CCR8: variants seen among roughly 807,000 people sequenced by gnomAD.
CCR8 encodes C-C chemokine receptor type 8.
For synonymous variants in CCR8, 156 were observed against 165.7 expected, an observed-to-expected ratio of 0.94 and a Z score of 0.45; for missense variants, 358 against 417.5, an observed-to-expected ratio of 0.86 and a Z score of 1.24.
chr3:39,333,502 G>A lies in CCR8; in HGVS notation c.*103G>A. ...AAGGTTTCCAAAAAAAGTTCAGCAT[G>A]AAGGATGCCATATATGTTGTTGCCA... On this transcript the variant is annotated 3_prime_UTR_variant, in exon 2 of 2. Transcript: ENST00000326306. The A allele has an allele frequency of 1.2e-6, 1 of 805,086 alleles. No homozygotes were observed. The highest frequency in any genetic ancestry group is 2.0e-6 in the Non-Finnish European group (1 of 507,462). The allele number at this position is 805,086 out of a possible 1,614,324, so 49.9% of individuals were successfully genotyped here. A position where few individuals can be genotyped will look rare whatever the true frequency, so the allele number is the denominator to read the frequency against.
chr3:39,332,640 T>C lies in CCR8; in HGVS notation c.309T>C (p.Thr103=). 1 of 1,614,176 alleles carries C rather than the reference T, an allele frequency of 6.2e-7. No homozygotes were observed. Among genetic ancestry groups the C allele is most frequent in the African/African-American group, 1.3e-5 (1 of 75,034 alleles). Residue 103 remains threonine, a synonymous_variant, in exon 2 of 2, where the codon ACT becomes ACC. Transcript: ENST00000326306. The stretch of plus-strand genomic sequence containing the variant: ...TGCTGGACCAGTGGGTGTTTGGGAC[T>C]GTAATGTGCAAAGTGGTGTCTGGCT... ...YYLLDQWVFG[T]VMCKVVSGFY...
At chr3:39,332,055 A>G (rs2041260507) in intron 1 of CCR8, among the ~76,000 whole-genome samples, 1 of 152,020 alleles carries the variant, frequency 6.6e-6, no homozygotes, top group African/African-American at 2.4e-5. Context: ...CCCTGACCTC[A>G]GGTGATCTGC....
chr3:39,332,374 T>C lies in CCR8; in HGVS notation c.43T>C (p.Tyr15His), dbSNP rs755938627. ...CCTCAGTGTGACAACAGTGACCGACTACTACTACCCTGATATCTTCTCAAG... is the reference window on the plus strand; with the variant it reads ...CCTCAGTGTGACAACAGTGACCGACCACTACTACCCTGATATCTTCTCAAG... ...LDLSVTTVTD[Y>H]YYPDIFSSPC... is the part of the protein sequence containing the mutation. Residue 15 changes from tyrosine to histidine, a missense_variant, in exon 2 of 2, where the codon TAC (tyrosine) becomes CAC (histidine). By Grantham distance (83) the Tyr-to-His change is moderately conservative. Transcript: ENST00000326306. 10 of 1,613,988 alleles carry C rather than the reference T, an allele frequency of 6.2e-6. No homozygotes were observed. The highest frequency in any genetic ancestry group is 8.5e-6 in the Non-Finnish European group (10 of 1,179,964).
In CCR8 at chr3:39,332,751, T is replaced by C; in HGVS notation, c.420T>C (p.Tyr140=). 2 of 1,614,196 alleles carry C rather than the reference T, an allele frequency of 1.2e-6. No individual in the cohort carries two copies. Among genetic ancestry groups the C allele is most frequent in the Non-Finnish European group, 1.7e-6 (2 of 1,180,014 alleles). ...DRYLAVVHAV[Y]ALKVRTIRMG... Reference sequence around the variant, plus strand: ...ACCTGGCTGTTGTCCATGCCGTGTATGCCCTAAAGGTGAGGACGATCAGGA... The same window carrying C: ...ACCTGGCTGTTGTCCATGCCGTGTACGCCCTAAAGGTGAGGACGATCAGGA... The change falls in exon 2 of 2, where the codon TAT becomes TAC. Residue 140 remains tyrosine (Y), a synonymous_variant. Transcript: ENST00000326306.
In CCR8 at chr3:39,333,065, T is replaced by C; in HGVS notation, c.734T>C (p.Ile245Thr). 6.2e-7 allele frequency: 1 copy of C among 1,614,152 alleles called. No homozygotes were observed. The highest frequency in any genetic ancestry group is 8.5e-7 in the Non-Finnish European group (1 of 1,180,026). ...KAIRLVLIVV[I>T]ASLLFWVPFN... Reference sequence around the variant, plus strand: ...ATCAGGTTGGTGCTCATTGTGGTCATTGCATCTTTACTTTTCTGGGTCCCA... The same window carrying C: ...ATCAGGTTGGTGCTCATTGTGGTCACTGCATCTTTACTTTTCTGGGTCCCA... Residue 245 changes from isoleucine (I) to threonine (T), a missense_variant, in exon 2 of 2, where the codon ATT becomes ACT. Coordinates refer to ENST00000326306, the MANE Select transcript of CCR8 (RefSeq NM_005201.4).
intron 1 of CCR8, among the ~76,000 whole-genome samples, chr3:39,330,672 TA>T (rs1470569944): frequency 6.6e-6 from 1 of 152,184 alleles, no homozygotes; most frequent in Non-Finnish European, 1.5e-5. Context: ...TTTATAAAGT[TA>T]TTTTTTTTCT....
At chr3:39,330,022 C>A (rs2041245022) in intron 1 of CCR8, among the ~76,000 whole-genome samples, 193 bp downstream of exon 1, 1 of 152,142 alleles carries the variant, frequency 6.6e-6, no homozygotes, top group African/African-American at 2.4e-5. Flanking sequence ...CATGCTCTGG[C>A]TGAGGAGAGC....
rs1316419497 is a variant in CCR8 at position 39,332,785 on chromosome 3, A to G, written c.454A>G (p.Thr152Ala). 2.5e-6 allele frequency: 4 copies of G among 1,613,952 alleles called. No homozygotes were observed. The highest frequency in any genetic ancestry group is 1.6e-4 in the Middle Eastern group (1 of 6,082). The change falls in exon 2 of 2, where the codon ACG (threonine) becomes GCG (alanine). Residue 152 changes from threonine to alanine, a missense_variant. Physicochemically the swap from Thr to Ala is moderately conservative, Grantham distance 58. Transcript: ENST00000326306. Reference sequence around the variant, plus strand: ...GGTGAGGACGATCAGGATGGGCACAACGCTGTGCCTGGCAGTATGGCTAAC... The same window carrying G: ...GGTGAGGACGATCAGGATGGGCACAGCGCTGTGCCTGGCAGTATGGCTAAC... ...LKVRTIRMGT[T>A]LCLAVWLTAI... is the part of the protein sequence containing the mutation.
intron 1 of CCR8, among the ~76,000 whole-genome samples, chr3:39,331,536 G>C (rs573523743): frequency 1.3e-5 from 2 of 151,732 alleles, no homozygotes; most frequent in Admixed American, 1.3e-4. Context: ...GCTTGATCTC[G>C]AGTCATTGCA....
rs777208619 is a variant in CCR8, at chr3:39,333,157, CA to C, written c.828del (p.Gln276HisfsTer3). 1.2e-6 allele frequency: 2 copies of C among 1,614,090 alleles called. No individual in the cohort carries two copies. Among genetic ancestry groups the C allele is most frequent in the South Asian group, 2.2e-5 (2 of 91,084 alleles). ...MHILDGCSIS[Q>X]QLTYATHVTE... ...CATCTTGGATGGATGTAGCATAAGC[CA>C]ACAGCTGACTTATGCCACCCATGTC... On this transcript the variant is annotated frameshift_variant, in exon 2 of 2. Transcript: ENST00000326306. LOFTEE classifies it low-confidence loss of function (END_TRUNC).
At position 39,333,566 on chromosome 3, in the gene CCR8, G is replaced by GCCT. The variant is rs1361050210; in HGVS notation, c.*168_*170dup. ...AATGACTAAAGACATAGTTGTGCAT[G>GCCT]CCTGGCACAACATCAAGCCTGTGAT... On this transcript the variant is annotated 3_prime_UTR_variant, in exon 2 of 2. Coordinates refer to ENST00000326306, the MANE Select transcript of CCR8 (RefSeq NM_005201.4). 1.6e-6 allele frequency: 1 copy of GCCT among 610,230 alleles called. No individual in the cohort carries two copies. Among genetic ancestry groups the GCCT allele is most frequent in the African/African-American group, 1.9e-5 (1 of 53,726 alleles). 37.8% of individuals were successfully genotyped at this position (610,230 alleles called of 1,614,324 possible). A position where few individuals can be genotyped will look rare whatever the true frequency, so the allele number is the denominator to read the frequency against.
chr3:39,331,981 C>T (rs866240775), intron 1 of CCR8, among the ~76,000 whole-genome samples: 49 of 149,154 alleles, frequency 3.3e-4, no homozygotes, highest in Non-Finnish European at 5.7e-4. Context: ...CCGCCATGCC[C>T]GGCTAATTTT....
In CCR8 at chr3:39,332,922, C is replaced by T. The variant is rs2041268317; in HGVS notation, c.591C>T (p.Phe197=). The T allele has an allele frequency of 6.2e-7, 1 of 1,614,076 alleles. No individual in the cohort carries two copies. Among genetic ancestry groups the T allele is most frequent in the Non-Finnish European group, 8.5e-7 (1 of 1,179,946 alleles). Residue 197 remains phenylalanine (F), a synonymous_variant, in exon 2 of 2, where the codon TTC becomes TTT. Coordinates refer to ENST00000326306, the MANE Select transcript of CCR8 (RefSeq NM_005201.4). ...YNQQTLKWKI[F]TNFKMNILGL... is the part of the protein sequence containing the mutation. The stretch of plus-strand genomic sequence containing the variant: ...AACAGACTTTGAAGTGGAAGATCTT[C>T]ACCAACTTCAAAATGAACATTTTAG...
chr3:39,332,633 T>A lies in CCR8; in HGVS notation c.302T>A (p.Phe101Tyr). Residue 101 changes from phenylalanine to tyrosine, a missense_variant, in exon 2 of 2, where the codon TTT becomes TAT. Physicochemically the swap from Phe to Tyr is conservative, Grantham distance 22 (BLOSUM62 3). Coordinates refer to ENST00000326306, the MANE Select transcript of CCR8 (RefSeq NM_005201.4). The part of the protein sequence containing the change: ...QTYYLLDQWV[F>Y]GTVMCKVVSG... ...TACTATCTGCTGGACCAGTGGGTGT[T>A]TGGGACTGTAATGTGCAAAGTGGTG... 6.2e-7 allele frequency: 1 copy of A among 1,614,166 alleles called. No individual in the cohort carries two copies. The highest frequency in any genetic ancestry group is 1.1e-5 in the South Asian group (1 of 91,080).
intron 1 of CCR8, among the ~76,000 whole-genome samples, chr3:39,330,109 G>A (rs979150665): frequency 6.6e-6 from 1 of 152,174 alleles, no homozygotes; most frequent in African/African-American, 2.4e-5. Context: ...GATAAGAGAA[G>A]ATCCTTTATA....
At chr3:39,331,777 C>CTA (rs201657939) in intron 1 of CCR8, among the ~76,000 whole-genome samples, 3,017 of 143,288 alleles carry the variant, frequency 0.021, 46 homozygotes, top group East Asian at 0.059. Flanking sequence ...AGGGCCCTGC[C>CTA]TTTATAACCT....
chr3:39,330,257 G>A (rs1489087842), intron 1 of CCR8, among the ~76,000 whole-genome samples: 2 of 152,140 alleles, frequency 1.3e-5, no homozygotes, highest in Non-Finnish European at 2.9e-5. Context: ...TTGCTGGTGG[G>A]TGCCTGTAGT....
chr3:39,331,819 A>AT (rs1491182474), intron 1 of CCR8, among the ~76,000 whole-genome samples: 51 of 79,288 alleles, frequency 6.4e-4, no homozygotes, highest in South Asian at 1.6e-3. Context: ...TTTTAATTTT[A>AT]ATTTTTTTTT....
At position 39,333,126 on chromosome 3, in the gene CCR8, T is replaced by C. The variant is rs1458944233; in HGVS notation, c.795T>C (p.Ser265=). The change falls in exon 2 of 2, where the codon AGT becomes AGC. Residue 265 remains serine (S), a synonymous_variant. Transcript: ENST00000326306. ...NVVLFLTSLH[S]MHILDGCSIS... ...TTCTTTTCCTCACTTCCTTGCACAG[T>C]ATGCACATCTTGGATGGATGTAGCA... 6.2e-7 allele frequency: 1 copy of C among 1,614,028 alleles called. No individual in the cohort carries two copies. The highest frequency in any genetic ancestry group is 8.5e-7 in the Non-Finnish European group (1 of 1,180,026).
Sources: allele counts gnomAD v4.1 joint callset (sites outside exome capture counted in the v4.1 genomes callset), GRCh38; gene constraint gnomAD v4.1.1; transcripts MANE v1.5; gene names NCBI Gene and HGNC (gene_info 2026-07-23, HGNC 2026-07-21).